The following CDH13 variants were observed in gnomAD, a reference collection of about 807,000 sequenced individuals.
The protein encoded by CDH13 is cadherin 13, also known as cadherin-13.
In CDH13, 24 loss-of-function variants were observed where a neutral mutation model predicts 63.8. The observed-to-expected ratio is 0.38, with a 90% CI of 0.27 to 0.53. The LOEUF (loss-of-function observed/expected upper bound fraction) is 0.53, where lower values mean the gene tolerates loss of function less well. Ranked by LOEUF, CDH13 falls within the 20% of genes least tolerant of loss-of-function variation. CDH13 has a pLI of 0.85. For synonymous variants in CDH13, 503 were observed against 355.3 expected (o/e 1.42, Z -4.67); for missense variants, 1,049 against 903.1 (o/e 1.16, Z -2.07).
intron 1 of CDH13, among the ~76,000 whole-genome samples, chr16:82,627,445 C>T (rs1436468069): frequency 1.3e-5 from 2 of 151,924 alleles, no homozygotes; most frequent in African/African-American, 2.4e-5. Flanking sequence ...GCGACATTCT[C>T]GCCCACATCA....
chr16:83,342,264 C>T (rs1158409070), intron 5 of CDH13, among the ~76,000 whole-genome samples: 2 of 152,048 alleles, frequency 1.3e-5, no homozygotes, highest in Non-Finnish European at 2.9e-5. Flanking sequence ...CCTTCATAGC[C>T]CTCATCTGTG....
At chr16:82,671,851 T>C (rs1161447898) in intron 1 of CDH13, among the ~76,000 whole-genome samples, 1 of 152,172 alleles carries the variant, frequency 6.6e-6, no homozygotes, top group Non-Finnish European at 1.5e-5. Context: ...GGCAGATATG[T>C]CCAAGAATAA....
intron 1 of CDH13, among the ~76,000 whole-genome samples, chr16:82,750,115 A>T (rs190677261): frequency 6.6e-6 from 1 of 152,262 alleles, no homozygotes; most frequent in East Asian, 1.9e-4. Context: ...TTCCTGGAGG[A>T]CATAAGTTGA....
chr16:83,290,776 C>T (rs1249850617), intron 5 of CDH13, among the ~76,000 whole-genome samples: 1 of 152,162 alleles, frequency 6.6e-6, no homozygotes, highest in Non-Finnish European at 1.5e-5. Context: ...TGACTGTCCA[C>T]TGTCCATGCA....
chr16:83,492,207 G>A (rs533598001), intron 7 of CDH13, among the ~76,000 whole-genome samples: 2 of 75,086 alleles, frequency 2.7e-5, no homozygotes, highest in South Asian at 1.6e-3. Context: ...AAGAACAATG[G>A]TAAAAAAGGA....
At chr16:83,267,080 G>C (rs897724354) in intron 5 of CDH13, among the ~76,000 whole-genome samples, 6 of 152,114 alleles carry the variant, frequency 3.9e-5, no homozygotes, top group Admixed American at 2.0e-4. Flanking sequence ...GAATTTGTTA[G>C]GGAGGAGCTG....
At chr16:82,981,125 T>C (rs1910204210) in intron 2 of CDH13, among the ~76,000 whole-genome samples, 2 of 152,202 alleles carry the variant, frequency 1.3e-5, no homozygotes, top group Admixed American at 1.3e-4. Flanking sequence ...GGGAATATTT[T>C]CCATTGAGCT....
At chr16:83,298,047 C>CAAAAAAAAAAA (rs71382871) in intron 5 of CDH13, among the ~76,000 whole-genome samples, 2 of 99,770 alleles carry the variant, frequency 2.0e-5, no homozygotes, top group Non-Finnish European at 4.2e-5. Flanking sequence ...CTTGTTTCTA[C>CAAAAAAAAAAA]AAAAAAAAAA....
intron 3 of CDH13, among the ~76,000 whole-genome samples, chr16:83,103,005 T>G (rs7201613): frequency 0.036 from 4,792 of 133,534 alleles, 308 homozygotes; most frequent in African/African-American, 0.13. Flanking sequence ...CAGGTTGGAG[T>G]GCAGTGGCAC....
intron 7 of CDH13, among the ~76,000 whole-genome samples, chr16:83,540,545 C>T (rs1207731401): frequency 2.0e-5 from 3 of 152,190 alleles, no homozygotes; most frequent in African/African-American, 7.2e-5. Context: ...TCTTCTTCCC[C>T]AGACCCTTCC....
intron 1 of CDH13, among the ~76,000 whole-genome samples, chr16:82,816,198 C>T (rs2037699892): frequency 6.6e-6 from 1 of 152,122 alleles, no homozygotes; most frequent in Non-Finnish European, 1.5e-5. Context: ...AAGCAAACCC[C>T]ACTGCAGCCT....
At chr16:83,654,253 T>C (rs748247468) in intron 8 of CDH13, among the ~76,000 whole-genome samples, 3 of 151,900 alleles carry the variant, frequency 2.0e-5, no homozygotes. Flanking sequence ...TGGCAAAAAA[T>C]TGCAATTACT....
At chr16:83,650,746 T>A (rs1450473664) in intron 8 of CDH13, among the ~76,000 whole-genome samples, 1 of 151,934 alleles carries the variant, frequency 6.6e-6, no homozygotes. Context: ...AGACTCTAAG[T>A]GAGATTAGGA....
chr16:83,193,609 A>G (rs539891985), intron 4 of CDH13, among the ~76,000 whole-genome samples: 286 of 152,334 alleles, frequency 1.9e-3, no homozygotes, highest in Non-Finnish European at 3.5e-3. Flanking sequence ...CATTTGTGCA[A>G]GAGTCAAGTT....
chr16:82,792,113 C>T (rs1034606233), intron 1 of CDH13, among the ~76,000 whole-genome samples: 2 of 152,156 alleles, frequency 1.3e-5, no homozygotes, highest in African/African-American at 4.8e-5. Flanking sequence ...AATATGGCAC[C>T]TTCCTTCACA....
intron 8 of CDH13, among the ~76,000 whole-genome samples, chr16:83,622,860 T>G (rs563821172): frequency 2.0e-5 from 3 of 152,346 alleles, no homozygotes; most frequent in African/African-American, 7.2e-5. Context: ...AGTCACCGCA[T>G]GCCTACCAAA....
intron 8 of CDH13, among the ~76,000 whole-genome samples, chr16:83,644,777 A>G (rs935347392): frequency 1.3e-5 from 2 of 152,194 alleles, no homozygotes; most frequent in Non-Finnish European, 2.9e-5. Flanking sequence ...GTAGGATCCC[A>G]AAGGCCACAG....
chr16:82,820,622 C>T (rs1345911007), intron 1 of CDH13, among the ~76,000 whole-genome samples: 1 of 152,166 alleles, frequency 6.6e-6, no homozygotes, highest in Non-Finnish European at 1.5e-5. Flanking sequence ...TGATTATCTG[C>T]TACATGACAG....
At chr16:83,427,786 C>T (rs988548872) in intron 6 of CDH13, among the ~76,000 whole-genome samples, 1 of 152,200 alleles carries the variant, frequency 6.6e-6, no homozygotes, top group African/African-American at 2.4e-5. Context: ...CAAGAACCAA[C>T]CACAGAGTTG....
Sources: gnomAD v4.1 joint callset for allele counts (sites outside exome capture counted in the v4.1 genomes callset) on GRCh38, gnomAD v4.1.1 for gene constraint, MANE v1.5 for transcripts, NCBI Gene and HGNC (gene_info 2026-07-23, HGNC 2026-07-21) for gene names.